GAS2: variants seen among roughly 807,000 people sequenced by gnomAD.
GAS2 encodes growth arrest specific 2.
A neutral mutation model predicts 37.5 loss-of-function variants in GAS2; 20 were observed. The ratio of observed to expected loss-of-function variants is 0.53; its 90% CI spans 0.37 to 0.77. The LOEUF is 0.77. GAS2 is among the 30% of genes least tolerant of loss of function. The pLI, the probability that GAS2 is intolerant of heterozygous loss-of-function variation, is 0.00. For synonymous variants in GAS2, 144 were observed against 132.2 expected (o/e 1.09, Z -0.61); for missense variants, 336 against 373.4 (o/e 0.90, Z 0.82).
intron 7 of GAS2, among the ~76,000 whole-genome samples, chr11:22,767,882 C>A (rs76420654): frequency 0.031 from 4,752 of 152,134 alleles, 225 homozygotes; most frequent in African/African-American, 0.097. Context: ...TAAGTTTCTA[C>A]ATGACTGGTC....
At chr11:22,661,127 A>C (rs1565070361) in intron 1 of GAS2, among the ~76,000 whole-genome samples, 2 of 152,246 alleles carry the variant, frequency 1.3e-5, no homozygotes, top group Non-Finnish European at 2.9e-5. Flanking sequence ...CTGCAAGAGA[A>C]TCCCAAGAAA....
chr11:22,660,198 A>G (rs1848901310), intron 1 of GAS2, among the ~76,000 whole-genome samples: 1 of 152,212 alleles, frequency 6.6e-6, no homozygotes, highest in African/African-American at 2.4e-5. Flanking sequence ...TTGGAGAATA[A>G]ATGAATGAGT....
chr11:22,685,901 A>T (rs1236590312), intron 3 of GAS2, 112 bp downstream of exon 3: 6 of 966,488 alleles, frequency 6.2e-6, no homozygotes, highest in Non-Finnish European at 8.8e-6. Context: ...CAAGGTCTAT[A>T]CTAACAACAA....
At chr11:22,725,100 C>A (rs1470304999) in intron 3 of GAS2, among the ~76,000 whole-genome samples, 2 of 152,038 alleles carry the variant, frequency 1.3e-5, no homozygotes, top group Non-Finnish European at 2.9e-5. Flanking sequence ...AAGTCATGCT[C>A]ATTCTTTCAC....
At chr11:22,772,730 G>A (rs1855046953) in intron 7 of GAS2, among the ~76,000 whole-genome samples, 1 of 152,154 alleles carries the variant, frequency 6.6e-6, no homozygotes, top group Admixed American at 6.5e-5. Context: ...TCCCAGAGAT[G>A]AGTAGAAGGA....
intron 3 of GAS2, among the ~76,000 whole-genome samples, chr11:22,720,177 A>G (rs1851879979): frequency 6.6e-6 from 1 of 152,062 alleles, no homozygotes; most frequent in Non-Finnish European, 1.5e-5. Flanking sequence ...CTTTTTGTGT[A>G]TGTGAATATT....
At chr11:22,692,670 G>A (rs1850303470) in intron 3 of GAS2, among the ~76,000 whole-genome samples, 1 of 152,110 alleles carries the variant, frequency 6.6e-6, no homozygotes, top group Admixed American at 6.5e-5. Flanking sequence ...TAGAATGGGA[G>A]GCACATTTGT....
intron 3 of GAS2, among the ~76,000 whole-genome samples, chr11:22,706,805 GT>G (rs781563539): frequency 4.6e-5 from 7 of 152,012 alleles, no homozygotes; most frequent in Non-Finnish European, 1.0e-4. Context: ...ATGTGTGCAT[GT>G]GTCTTTATAG....
chr11:22,659,903 AGGG>A (rs1198356782), intron 1 of GAS2, among the ~76,000 whole-genome samples: 2 of 117,806 alleles, frequency 1.7e-5, no homozygotes, highest in East Asian at 5.8e-4. Flanking sequence ...GGAGGGAGGA[AGGG>A]AGGGAGGAAG....
At chr11:22,728,760 T>G (rs887942913) in intron 4 of GAS2, among the ~76,000 whole-genome samples, 1 of 151,854 alleles carries the variant, frequency 6.6e-6, no homozygotes, top group Non-Finnish European at 1.5e-5. Context: ...TATTATGGCA[T>G]TGACTTTAGG....
chr11:22,810,889 C>T (rs1445559173), intron 7 of GAS2, among the ~76,000 whole-genome samples: 1 of 152,150 alleles, frequency 6.6e-6, no homozygotes, highest in Non-Finnish European at 1.5e-5. Context: ...GATGTGACTT[C>T]CCAGACTTTC....
At chr11:22,652,478 A>G (rs1483287402) in intron 1 of GAS2, among the ~76,000 whole-genome samples, 1 of 152,112 alleles carries the variant, frequency 6.6e-6, no homozygotes, top group Non-Finnish European at 1.5e-5. Context: ...TGCTTTGTTT[A>G]CCTAAGCAAG....
chr11:22,699,814 T>C (rs1850738319), intron 3 of GAS2, among the ~76,000 whole-genome samples: 1 of 152,216 alleles, frequency 6.6e-6, no homozygotes, highest in South Asian at 2.1e-4. Flanking sequence ...AACATTTAGC[T>C]GTTAACTTTA....
At chr11:22,779,045 G>GT (rs367996634) in intron 7 of GAS2, among the ~76,000 whole-genome samples, 25,408 of 136,240 alleles carry the variant, frequency 0.19, 2,235 homozygotes, top group Non-Finnish European at 0.22. Context: ...TAAGTTTTTT[G>GT]TTTTTTTTTT....
At chr11:22,744,459 T>C (rs1317373016) in intron 5 of GAS2, among the ~76,000 whole-genome samples, 1 of 152,168 alleles carries the variant, frequency 6.6e-6, no homozygotes, top group African/African-American at 2.4e-5. Flanking sequence ...CATGATCCAG[T>C]AGGTTTTATT....
intron 3 of GAS2, among the ~76,000 whole-genome samples, chr11:22,694,487 GTGAAAAATAGAGCCACT>G (rs1850401785): frequency 6.6e-6 from 1 of 152,114 alleles, no homozygotes; most frequent in Admixed American, 6.5e-5. Flanking sequence ...TCACCCTTTA[GTGAAAAATAGAGCCACT>G]TGGGTCCCAC....
At chr11:22,810,069 C>T (rs910913277) in intron 7 of GAS2, among the ~76,000 whole-genome samples, 2 of 152,150 alleles carry the variant, frequency 1.3e-5, no homozygotes, top group African/African-American at 4.8e-5. Context: ...CATAGAACGC[C>T]AGTCACTGAA....
At chr11:22,652,991 T>TTCTTTC (rs769554594) in intron 1 of GAS2, among the ~76,000 whole-genome samples, 13 of 6,296 alleles carry the variant, frequency 2.1e-3, no homozygotes, top group South Asian at 7.2e-3. Context: ...CTTTCTTTCT[T>TTCTTTC]TGTCTTTCTT....
intron 7 of GAS2, among the ~76,000 whole-genome samples, chr11:22,801,450 G>GT (rs59435678): frequency 0.43 from 63,518 of 147,590 alleles, 13,970 homozygotes; most frequent in East Asian, 0.75. Context: ...GCATGGGATA[G>GT]TTTTTTTTTT....
Sources: allele counts gnomAD v4.1 joint callset (sites outside exome capture counted in the v4.1 genomes callset), GRCh38; gene constraint gnomAD v4.1.1; transcripts MANE v1.5; gene names NCBI Gene and HGNC (gene_info 2026-07-23, HGNC 2026-07-21).